Variants in CSRNP3 observed in about 807,000 individuals in gnomAD.
The protein encoded by CSRNP3 is cysteine and serine rich nuclear protein 3.
CSRNP3 carries 12 observed loss-of-function variants against 48.0 expected under a neutral mutation model. That is an observed-to-expected ratio of 0.25 (90% confidence interval 0.16 to 0.41). The LOEUF is 0.41. Ranked by LOEUF, CSRNP3 falls within the 10% of genes least tolerant of loss-of-function variation. The probability of loss-of-function intolerance (pLI) is 1.00; values close to 1 mark genes in which losing one functional copy is unlikely to be tolerated. For missense variants in CSRNP3, 580 were observed against 724.4 expected, an observed-to-expected ratio of 0.80 and a Z score of 2.29; for synonymous variants, 263 against 269.7, an observed-to-expected ratio of 0.98 and a Z score of 0.24.
chr2:165,657,416 GA>G (rs1276148803), intron 4 of CSRNP3, among the ~76,000 whole-genome samples: 21 of 152,234 alleles, frequency 1.4e-4, no homozygotes, highest in African/African-American at 5.1e-4. Flanking sequence ...GCATCCACAG[GA>G]AGTCTGAGAA....
chr2:165,526,426 A>G (rs148998410), intron 3 of CSRNP3, among the ~76,000 whole-genome samples: 4 of 152,214 alleles, frequency 2.6e-5, no homozygotes, highest in African/African-American at 9.6e-5. Flanking sequence ...AAAAATAAAT[A>G]TGAATCTCAT....
chr2:165,669,438 A>C (rs1687292777), intron 5 of CSRNP3, among the ~76,000 whole-genome samples: 1 of 152,136 alleles, frequency 6.6e-6, no homozygotes, highest in Non-Finnish European at 1.5e-5. Flanking sequence ...AAATTTATGG[A>C]AGAACTCATT....
At chr2:165,543,562 T>C (rs2105254256) in intron 3 of CSRNP3, among the ~76,000 whole-genome samples, 1 of 152,276 alleles carries the variant, frequency 6.6e-6, no homozygotes, top group African/African-American at 2.4e-5. Context: ...ATCTCAATCA[T>C]CAAACTAAAT....
In CSRNP3 at chr2:165,640,777, T is replaced by G. The variant is rs73972116; in HGVS notation, c.149-16984T>G. ...AGTGTCAAGATTAACAGCTTGAGCT[T>G]GAGCTTGACACTGTCTGCATTCAAA... On this transcript the variant is annotated intron_variant, in intron 4 of 6. Transcript: ENST00000651982. 8.8e-3 allele frequency among the ~76,000 whole-genome samples: 1,346 copies of G among 152,346 alleles called. 18 individuals are homozygous for G. Among genetic ancestry groups the G allele is most frequent in the African/African-American group, 0.031 (1,292 of 41,570 alleles).
rs2105371335 is a variant in CSRNP3, at chr2:165,684,862, G to A, written c.*5109G>A. The A allele has an allele frequency of 6.6e-6, 1 of 152,058 alleles. No homozygotes were observed. The highest frequency in any genetic ancestry group is 1.5e-5 in the Non-Finnish European group (1 of 67,944). The allele number at this position is 152,058 out of a possible 1,614,324, so 9.4% of individuals were successfully genotyped here. A position where few individuals can be genotyped will look rare whatever the true frequency, so the allele number is the denominator to read the frequency against. On this transcript the variant is annotated 3_prime_UTR_variant, in exon 7 of 7. Coordinates refer to ENST00000651982, the MANE Select transcript of CSRNP3 (RefSeq NM_001172173.2). Reference sequence around the variant, plus strand: ...ATTATGAAAAAAAAAGCTCAGCAGAGCTAAGCCAGATCTTATTACATCATA... The same window carrying A: ...ATTATGAAAAAAAAAGCTCAGCAGAACTAAGCCAGATCTTATTACATCATA...
intron 3 of CSRNP3, among the ~76,000 whole-genome samples, chr2:165,521,241 C>G (rs1452235859): frequency 6.6e-6 from 1 of 151,496 alleles, no homozygotes; most frequent in African/African-American, 2.4e-5. Flanking sequence ...GAAACAAAGA[C>G]TTCTCATGCA....
At chr2:165,470,243 A>C (rs1015104875) in intron 1 of CSRNP3, among the ~76,000 whole-genome samples, 1 of 152,110 alleles carries the variant, frequency 6.6e-6, no homozygotes, top group Admixed American at 6.6e-5. Flanking sequence ...CTCTTTTAGC[A>C]TTAATTTAGA....
chr2:165,668,794 A>G (rs1462111405), intron 5 of CSRNP3, among the ~76,000 whole-genome samples: 1 of 152,096 alleles, frequency 6.6e-6, no homozygotes, highest in Non-Finnish European at 1.5e-5. Flanking sequence ...CTTAGAGTGT[A>G]CTGCCACGTT....
At chr2:165,512,227 C>T (rs1230996626) in intron 2 of CSRNP3, among the ~76,000 whole-genome samples, 1 of 152,076 alleles carries the variant, frequency 6.6e-6, no homozygotes, top group Admixed American at 6.5e-5. Flanking sequence ...TTTTCAATCC[C>T]TTCTGTGGTA....
chr2:165,542,409 T>A (rs934074139), intron 3 of CSRNP3, among the ~76,000 whole-genome samples: 2 of 152,216 alleles, frequency 1.3e-5, no homozygotes, highest in Admixed American at 6.6e-5. Context: ...TCTGTACGTG[T>A]GTACGTATGA....
chr2:165,613,237 G>C (rs1052342217), intron 4 of CSRNP3, among the ~76,000 whole-genome samples: 3 of 151,986 alleles, frequency 2.0e-5, no homozygotes, highest in Non-Finnish European at 2.9e-5. Flanking sequence ...AAAAATAACT[G>C]TTCAGATCCT....
chr2:165,532,086 A>C (rs1264708861), intron 3 of CSRNP3, among the ~76,000 whole-genome samples: 1 of 152,226 alleles, frequency 6.6e-6, no homozygotes, highest in African/African-American at 2.4e-5. Context: ...CAACCAAAAA[A>C]AGTCCAGGAC....
chr2:165,599,888 A>C (rs1420235050), intron 4 of CSRNP3, among the ~76,000 whole-genome samples: 1 of 151,766 alleles, frequency 6.6e-6, no homozygotes, highest in Non-Finnish European at 1.5e-5. Context: ...AAGACTATCA[A>C]ATTTGTGTAG....
At chr2:165,635,301 A>G (rs1686608934) in intron 4 of CSRNP3, among the ~76,000 whole-genome samples, 1 of 152,220 alleles carries the variant, frequency 6.6e-6, no homozygotes, top group Non-Finnish European at 1.5e-5. Flanking sequence ...CTGTATATTT[A>G]TAAAAAATGT....
At chr2:165,598,614 T>C (rs960529544) in intron 4 of CSRNP3, among the ~76,000 whole-genome samples, 1 of 152,166 alleles carries the variant, frequency 6.6e-6, no homozygotes, top group Non-Finnish European at 1.5e-5. Context: ...TTATAAGTTA[T>C]GTTCAGCCGA....
intron 4 of CSRNP3, among the ~76,000 whole-genome samples, chr2:165,616,009 G>A (rs1686236874): frequency 6.6e-6 from 1 of 151,224 alleles, no homozygotes; most frequent in African/African-American, 2.4e-5. Context: ...GGGATTACAG[G>A]CATGAGCCAT....
rs1282930419 is a variant in CSRNP3 at position 165,679,630 on chromosome 2, T to A, written c.1635T>A (p.Ser545=). Residue 545 remains serine, a synonymous_variant, in exon 7 of 7, where the codon TCT becomes TCA. Coordinates refer to ENST00000651982, the MANE Select transcript of CSRNP3 (RefSeq NM_001172173.2). ...GCCCCTCCCAAGAAGGGTTTGTCTC[T>A]GCATTGAATGGTGACAGTCACATTT... ...LKGPSQEGFV[S]ALNGDSHISE... is the part of the protein sequence containing the mutation. 6.2e-7 allele frequency: 1 copy of A among 1,614,168 alleles called. No homozygotes were observed. Among genetic ancestry groups the A allele is most frequent in the South Asian group, 1.1e-5 (1 of 91,088 alleles).
intron 4 of CSRNP3, among the ~76,000 whole-genome samples, chr2:165,634,701 C>T (rs1369576778): frequency 6.6e-6 from 1 of 152,196 alleles, no homozygotes; most frequent in East Asian, 1.9e-4. Flanking sequence ...GTGCTAGGTG[C>T]TAATAATTTA....
intron 3 of CSRNP3, among the ~76,000 whole-genome samples, chr2:165,590,732 T>C (rs1433373395): frequency 1.2e-4 from 19 of 152,212 alleles, no homozygotes. Flanking sequence ...TCTGCAGCCA[T>C]GTGAAGAAGG....
Sources: allele counts gnomAD v4.1 joint callset (sites outside exome capture counted in the v4.1 genomes callset), GRCh38; gene constraint gnomAD v4.1.1; transcripts MANE v1.5; gene names NCBI Gene and HGNC (gene_info 2026-07-23, HGNC 2026-07-21).